LHFPL6: variants seen among roughly 807,000 people sequenced by gnomAD.
LHFPL6 encodes LHFPL tetraspan subfamily member 6 protein.
A neutral mutation model predicts 20.6 loss-of-function variants in LHFPL6; 9 were observed. The observed-to-expected ratio is 0.44, with a 90% CI of 0.26 to 0.76. The LOEUF is 0.76. LHFPL6 is among the 30% of genes least tolerant of loss of function. The pLI is 0.20. For missense variants in LHFPL6, 218 were observed against 253.5 expected (o/e 0.86, Z 0.95); for synonymous variants, 105 against 98.7 (o/e 1.06, Z -0.38).
chr13:39,515,377 C>G (rs1409038046), intron 2 of LHFPL6, among the ~76,000 whole-genome samples: 1 of 152,204 alleles, frequency 6.6e-6, no homozygotes, highest in Non-Finnish European at 1.5e-5. Flanking sequence ...CATCAGGAAA[C>G]AAGGTCATGC....
At chr13:39,349,507 C>A (rs538196541) in intron 3 of LHFPL6, among the ~76,000 whole-genome samples, 1 of 152,320 alleles carries the variant, frequency 6.6e-6, no homozygotes, top group South Asian at 2.1e-4. Context: ...TGAGTGCCAG[C>A]TCCAACTATG....
intron 2 of LHFPL6, among the ~76,000 whole-genome samples, chr13:39,518,610 A>C (rs1402297744): frequency 6.6e-6 from 1 of 152,210 alleles, no homozygotes; most frequent in Non-Finnish European, 1.5e-5. Context: ...ACACTGAATC[A>C]ACCTATAAGG....
At chr13:39,393,024 G>A (rs369695494) in intron 2 of LHFPL6, among the ~76,000 whole-genome samples, 4 of 152,080 alleles carry the variant, frequency 2.6e-5, no homozygotes, top group African/African-American at 9.6e-5. Context: ...ATTATATTAG[G>A]TATTACAAGT....
intron 2 of LHFPL6, among the ~76,000 whole-genome samples, chr13:39,511,052 T>G (rs1398120049): frequency 6.6e-6 from 1 of 152,132 alleles, no homozygotes; most frequent in Non-Finnish European, 1.5e-5. Context: ...TTTGTATTTT[T>G]GGTAGAGACG....
Position 39,343,776 on chromosome 13 carries a change from T to C in LHFPL6, c.*160A>G, listed in dbSNP as rs1869316101. ...TTCCCCCACAAATCTCCTACAATCCTTCCTTCCTATATCATGTTCCTGATT... is the reference window on the plus strand; with the variant it reads ...TTCCCCCACAAATCTCCTACAATCCCTCCTTCCTATATCATGTTCCTGATT... On this transcript the variant is annotated 3_prime_UTR_variant, in exon 4 of 4. Coordinates refer to ENST00000379589, the MANE Select transcript of LHFPL6 (RefSeq NM_005780.3). The C allele has an allele frequency of 1.7e-6, 1 of 595,596 alleles. No homozygotes were observed. Among genetic ancestry groups the C allele is most frequent in the African/African-American group, 1.8e-5 (1 of 54,660 alleles). The allele number at this position is 595,596 out of a possible 1,614,324, so 36.9% of individuals were successfully genotyped here. A position where few individuals can be genotyped will look rare whatever the true frequency, so the allele number is the denominator to read the frequency against.
intron 2 of LHFPL6, among the ~76,000 whole-genome samples, chr13:39,583,557 G>C (rs1872354764): frequency 6.6e-6 from 1 of 152,152 alleles, no homozygotes; most frequent in Admixed American, 6.5e-5. Flanking sequence ...AATATGTAGA[G>C]AAATTCCAGA....
At chr13:39,460,205 G>A (rs1251798762) in intron 2 of LHFPL6, among the ~76,000 whole-genome samples, 1 of 152,128 alleles carries the variant, frequency 6.6e-6, no homozygotes, top group East Asian at 1.9e-4. Flanking sequence ...CATAAAACAT[G>A]ACAGGCTCAA....
At chr13:39,495,302 A>C (rs1164006360) in intron 2 of LHFPL6, among the ~76,000 whole-genome samples, 1 of 152,222 alleles carries the variant, frequency 6.6e-6, no homozygotes. Flanking sequence ...TTATTAGGCT[A>C]TATTTGCCAT....
intron 2 of LHFPL6, among the ~76,000 whole-genome samples, chr13:39,413,155 A>T (rs1447049809): frequency 2.0e-5 from 3 of 152,204 alleles, no homozygotes; most frequent in Non-Finnish European, 4.4e-5. Flanking sequence ...CATATTGTGG[A>T]CTTTCAAAAG....
intron 3 of LHFPL6, among the ~76,000 whole-genome samples, chr13:39,361,886 G>A (rs577863816): frequency 4.6e-5 from 7 of 152,240 alleles, no homozygotes; most frequent in Admixed American, 2.6e-4. Context: ...AAGTATCTAC[G>A]GTTGGGAGGG....
intron 2 of LHFPL6, among the ~76,000 whole-genome samples, chr13:39,577,048 C>T (rs1300694746): frequency 1.3e-5 from 2 of 152,116 alleles, no homozygotes; most frequent in South Asian, 2.1e-4. Flanking sequence ...AGATGCAAAA[C>T]GCTCCAATAA....
intron 2 of LHFPL6, among the ~76,000 whole-genome samples, chr13:39,586,578 A>T (rs563246012): frequency 6.6e-6 from 1 of 152,340 alleles, no homozygotes; most frequent in African/African-American, 2.4e-5. Context: ...CAGAGATATA[A>T]AATTACTGAG....
At chr13:39,537,469 T>G (rs1312508419) in intron 2 of LHFPL6, among the ~76,000 whole-genome samples, 1 of 152,208 alleles carries the variant, frequency 6.6e-6, no homozygotes, top group Non-Finnish European at 1.5e-5. Flanking sequence ...GCCAGGGAAG[T>G]AGACTACAAC....
intron 3 of LHFPL6, among the ~76,000 whole-genome samples, chr13:39,361,779 C>T (rs74044037): frequency 0.01 from 1,590 of 152,302 alleles, 29 homozygotes; most frequent in African/African-American, 0.037. Context: ...GGTATAAGGT[C>T]TGTAGATTAG....
At chr13:39,464,208 A>G (rs1872748573) in intron 2 of LHFPL6, among the ~76,000 whole-genome samples, 1 of 152,232 alleles carries the variant, frequency 6.6e-6, no homozygotes, top group Non-Finnish European at 1.5e-5. Context: ...TCTTCAGTAC[A>G]GCATAGAAAC....
chr13:39,566,195 G>A (rs1444894456), intron 2 of LHFPL6, among the ~76,000 whole-genome samples: 1 of 152,138 alleles, frequency 6.6e-6, no homozygotes, highest in African/African-American at 2.4e-5. Context: ...AGAACTCTCA[G>A]CCCCTCATTA....
chr13:39,597,313 C>T (rs915410416), intron 2 of LHFPL6, among the ~76,000 whole-genome samples: 2 of 152,204 alleles, frequency 1.3e-5, no homozygotes, highest in African/African-American at 2.4e-5. Flanking sequence ...CAGAACTTAA[C>T]AAATACGCTT....
intron 2 of LHFPL6, among the ~76,000 whole-genome samples, chr13:39,419,713 G>A (rs1434273904): frequency 2.0e-5 from 3 of 151,946 alleles, no homozygotes; most frequent in South Asian, 4.1e-4. Context: ...TAATCATTTC[G>A]AGTTGTATAA....
chr13:39,368,492 G>C (rs188203272), intron 3 of LHFPL6, among the ~76,000 whole-genome samples: 205 of 152,228 alleles, frequency 1.3e-3, no homozygotes, highest in Non-Finnish European at 2.5e-3. Flanking sequence ...TGAGGCAGGA[G>C]AATCTCTTGA....
Sources: gnomAD v4.1 joint callset for allele counts (sites outside exome capture counted in the v4.1 genomes callset) on GRCh38, gnomAD v4.1.1 for gene constraint, MANE v1.5 for transcripts, NCBI Gene and HGNC (gene_info 2026-07-23, HGNC 2026-07-21) for gene names.